The following DOCK8 variants were observed in gnomAD, a reference collection of about 807,000 sequenced individuals.
DOCK8 encodes the protein dedicator of cytokinesis 8.
In DOCK8, 141 loss-of-function variants were observed where a neutral mutation model predicts 245.6. That is an observed-to-expected ratio of 0.57 (90% CI 0.50 to 0.66). The LOEUF is 0.66. DOCK8 is among the 30% of genes least tolerant of loss of function. DOCK8 has a pLI of 0.00. For synonymous variants in DOCK8, 1,168 were observed against 970.2 expected, an observed-to-expected ratio of 1.20 and a Z score of -3.79; for missense variants, 2,965 against 2,603.4, an observed-to-expected ratio of 1.14 and a Z score of -3.02.
intron 46 of DOCK8, among the ~76,000 whole-genome samples, chr9:454,883 G>C (rs2057585663): frequency 1.3e-5 from 2 of 152,078 alleles, no homozygotes; most frequent in African/African-American, 4.8e-5. Flanking sequence ...AAAAGAACCA[G>C]TGCCCAGTAA....
chr9:290,392 G>C (rs1437761114), intron 4 of DOCK8, among the ~76,000 whole-genome samples: 1 of 152,248 alleles, frequency 6.6e-6, no homozygotes, highest in Non-Finnish European at 1.5e-5. Context: ...TGGGCACCTG[G>C]AATAGAGCCT....
At position 461,389 on chromosome 9, in the gene DOCK8, A is replaced by G. The variant is rs920351236; in HGVS notation, c.6069-2128A>G. ...CTTATATCTCTATGTTTCTTAACCAATTTTTTCATATTTTTTTATTTTTTA... is the reference window on the plus strand; with the variant it reads ...CTTATATCTCTATGTTTCTTAACCAGTTTTTTCATATTTTTTTATTTTTTA... On this transcript the variant is annotated intron_variant, in intron 46 of 47. Coordinates refer to ENST00000432829, the MANE Select transcript of DOCK8 (RefSeq NM_203447.4). 1.8e-4 allele frequency among the ~76,000 whole-genome samples: 28 copies of G among 151,510 alleles called. 1 individual carries two copies. The highest frequency in any genetic ancestry group is 3.7e-4 in the Non-Finnish European group (25 of 67,884).
chr9:245,640 A>G (rs575554406), intron 1 of DOCK8, among the ~76,000 whole-genome samples: 3 of 152,158 alleles, frequency 2.0e-5, no homozygotes, highest in African/African-American at 7.2e-5. Context: ...AGGCTGACCC[A>G]CACCCTACTG....
intron 1 of DOCK8, among the ~76,000 whole-genome samples, chr9:227,955 A>G (rs572763496): frequency 1.3e-5 from 2 of 152,322 alleles, no homozygotes; most frequent in South Asian, 4.1e-4. Flanking sequence ...ATGCCAAATT[A>G]TGAGGGCAAA....
intron 26 of DOCK8, among the ~76,000 whole-genome samples, chr9:403,898 A>C (rs369145956): frequency 0.19 from 15,623 of 81,392 alleles, 1,617 homozygotes; most frequent in East Asian, 0.28. Flanking sequence ...CTCTCTATAT[A>C]TATATATATA....
chr9:412,256 T>C (rs1586954880), intron 28 of DOCK8, among the ~76,000 whole-genome samples: 1 of 152,088 alleles, frequency 6.6e-6, no homozygotes, highest in East Asian at 1.9e-4. Context: ...ATACAAAAAT[T>C]AGCTGGGCAT....
chr9:214,868 A>C lies in DOCK8; in HGVS notation c.-109A>C. On this transcript the variant is annotated 5_prime_UTR_variant, in exon 1 of 48. Coordinates refer to ENST00000432829, the MANE Select transcript of DOCK8 (RefSeq NM_203447.4). ...GCGGAAGTTTCCAGCGCCGACCGAC[A>C]GACGAGGTTTGCGCTTGGCTGGGCA... 6.2e-7 allele frequency: 1 copy of C among 1,601,546 alleles called. No homozygotes were observed. The highest frequency in any genetic ancestry group is 8.5e-7 in the Non-Finnish European group (1 of 1,174,522).
intron 2 of DOCK8, among the ~76,000 whole-genome samples, chr9:285,572 C>G (rs888784342): frequency 2.0e-5 from 3 of 152,122 alleles, no homozygotes; most frequent in South Asian, 2.1e-4. Context: ...CTAAGGGATT[C>G]TTTTACTTTC....
At position 316,969 on chromosome 9, in the gene DOCK8, T is replaced by G. The variant is rs909089715; in HGVS notation, c.742-74T>G. On this transcript the variant is annotated intron_variant, in intron 6 of 47. Transcript: ENST00000432829. ...TTGAGCCGTGGAGGGTAGCCTTCCCTTCCCTGGGTTAACTCTAATTGGAGC... is the reference window on the plus strand; with the variant it reads ...TTGAGCCGTGGAGGGTAGCCTTCCCGTCCCTGGGTTAACTCTAATTGGAGC... 4.9e-6 allele frequency: 6 copies of G among 1,218,340 alleles called. No homozygotes were observed. In the African/African-American group the frequency reaches 7.5e-5, roughly 15 times the overall value. 75.5% of individuals were successfully genotyped at this position (1,218,340 alleles called of 1,614,324 possible).
intron 1 of DOCK8, among the ~76,000 whole-genome samples, chr9:258,599 T>C (rs1202118510): frequency 6.9e-6 from 1 of 145,306 alleles, no homozygotes; most frequent in Non-Finnish European, 1.5e-5. Context: ...ACTCTTTTTT[T>C]TTTTTTTTTT....
intron 34 of DOCK8, 35 bp from the exon 35 acceptor site, chr9:428,327 A>G (rs745325344): frequency 3.7e-6 from 6 of 1,613,708 alleles, no homozygotes; most frequent in Non-Finnish European, 4.2e-6. Flanking sequence ...GGCACAGTGC[A>G]GGGATTCAAT....
At chr9:354,855 C>T (rs1196241478) in intron 14 of DOCK8, among the ~76,000 whole-genome samples, 2 of 152,192 alleles carry the variant, frequency 1.3e-5, no homozygotes, top group Admixed American at 6.5e-5. Context: ...AGGCCAGGGT[C>T]TTTCACAGCC....
intron 21 of DOCK8, among the ~76,000 whole-genome samples, chr9:381,626 C>T (rs1055576439): frequency 6.6e-6 from 1 of 152,106 alleles, no homozygotes; most frequent in African/African-American, 2.4e-5. Context: ...AGCCTCATTT[C>T]TAGTAAATCT....
At position 317,150 on chromosome 9, in the gene DOCK8, G is replaced by A. The variant is rs1414903718; in HGVS notation, c.827+22G>A. The A allele has an allele frequency of 1.3e-6, 2 of 1,543,070 alleles. 1 individual carries two copies. ...TGAAGTAAGTATCAACAAACACACT[G>A]CCACCGCTTTGAGATTTATCTTGCC... On this transcript the variant is annotated intron_variant, in intron 7 of 47. Transcript: ENST00000432829.
chr9:376,962 C>G lies in DOCK8; in HGVS notation c.2206-15C>G. 6.2e-7 allele frequency: 1 copy of G among 1,611,138 alleles called. No homozygotes were observed. Among genetic ancestry groups the G allele is most frequent in the Non-Finnish European group, 8.5e-7 (1 of 1,178,276 alleles). On this transcript the variant is annotated splice_polypyrimidine_tract_variant and intron_variant, in intron 19 of 47. Coordinates refer to ENST00000432829, the MANE Select transcript of DOCK8 (RefSeq NM_203447.4). ...TGGTATAAAACCCCATGAGGCCTGCCTTCTCCCTTCGCAGGACAACCACCT... is the reference window on the plus strand; with the variant it reads ...TGGTATAAAACCCCATGAGGCCTGCGTTCTCCCTTCGCAGGACAACCACCT...
intron 14 of DOCK8, among the ~76,000 whole-genome samples, chr9:357,769 C>T (rs991020152): frequency 5.9e-5 from 9 of 152,162 alleles, no homozygotes; most frequent in Non-Finnish European, 1.3e-4. Flanking sequence ...TCTAATCTTG[C>T]GCCATTTCCC....
intron 39 of DOCK8, among the ~76,000 whole-genome samples, chr9:437,460 A>G (rs1168896115): frequency 2.0e-5 from 3 of 152,224 alleles, no homozygotes; most frequent in Non-Finnish European, 4.4e-5. Flanking sequence ...TGAACCAGCC[A>G]TACTGGCCAG....
chr9:341,337 C>G (rs2051580870), intron 14 of DOCK8, among the ~76,000 whole-genome samples: 1 of 152,206 alleles, frequency 6.6e-6, no homozygotes, highest in Non-Finnish European at 1.5e-5. Flanking sequence ...GGAAGGAGTG[C>G]TTGTCAACAC....
At position 368,135 on chromosome 9, in the gene DOCK8, G is replaced by A. The variant is rs1348614394; in HGVS notation, c.1797G>A (p.Pro599=). The part of the protein sequence containing the change: ...MCGEDASNAM[P]VIFGKSSGPE... ...GAGAAGATGCTAGCAATGCGATGCCGGTAAGGAGGGAAACGAACATTTGCC... is the reference window on the plus strand; with the variant it reads ...GAGAAGATGCTAGCAATGCGATGCCAGTAAGGAGGGAAACGAACATTTGCC... The change falls in exon 15 of 48, where the codon CCG becomes CCA. Residue 599 remains proline (P), a splice_region_variant and synonymous_variant. Transcript: ENST00000432829. 4.3e-6 allele frequency: 7 copies of A among 1,612,628 alleles called. No homozygotes were observed. Among genetic ancestry groups the A allele is most frequent in the South Asian group, 1.1e-5 (1 of 91,050 alleles).
Sources: gnomAD v4.1 joint callset for allele counts (sites outside exome capture counted in the v4.1 genomes callset) on GRCh38, gnomAD v4.1.1 for gene constraint, MANE v1.5 for transcripts, NCBI Gene and HGNC (gene_info 2026-07-23, HGNC 2026-07-21) for gene names.